PREX1: variants seen among roughly 807,000 people sequenced by gnomAD.
PREX1 encodes phosphatidylinositol-3,4,5-trisphosphate dependent Rac exchange factor 1.
Under a neutral mutation model 198.3 loss-of-function variants are expected in PREX1, and 41 were observed. The observed-to-expected ratio is 0.21, with a 90% CI of 0.16 to 0.27. The LOEUF (loss-of-function observed/expected upper bound fraction) is 0.27. Among genes scored for constraint, PREX1 ranks in the 10% least tolerant of loss-of-function variants. The pLI is 1.00. For missense variants in PREX1, 1,620 were observed against 2,200.7 expected, an observed-to-expected ratio of 0.74 and a Z score of 5.28; for synonymous variants, 843 against 887.2, an observed-to-expected ratio of 0.95 and a Z score of 0.89.
chr20:48,827,921 A>AGGCGCCCC lies in PREX1; in HGVS notation c.-69_-62dup, dbSNP rs2090517538. On this transcript the variant is annotated 5_prime_UTR_variant, in exon 1 of 40. The change abolishes the stop of an existing upstream ORF in the 5' untranslated region. Coordinates refer to ENST00000371941, the MANE Select transcript of PREX1 (RefSeq NM_020820.4). The surrounding 1 kb of genome is among the most constrained non-coding windows in gnomAD (Gnocchi z 4.1). ...GCGCCGAGCGGCAACTCAGGCGTCC[A>AGGCGCCCC]GGCGCCCCATCCCGGACGGGGCGCG... The AGGCGCCCC allele has an allele frequency of 1.4e-6, 1 of 723,930 alleles. No homozygotes were observed. Among genetic ancestry groups the AGGCGCCCC allele is most frequent in the South Asian group, 6.1e-5 (1 of 16,400 alleles). 44.8% of individuals were successfully genotyped at this position (723,930 alleles called of 1,614,324 possible). A position where few individuals can be genotyped will look rare whatever the true frequency, so the allele number is the denominator to read the frequency against.
Position 48,639,871 on chromosome 20 carries a change from T to C in PREX1, c.3799A>G (p.Thr1267Ala). The C allele has an allele frequency of 6.2e-7, 1 of 1,614,058 alleles. No individual in the cohort carries two copies. Among genetic ancestry groups the C allele is most frequent in the Non-Finnish European group, 8.5e-7 (1 of 1,179,964 alleles). Residue 1267 changes from threonine to alanine, a missense_variant, in exon 30 of 40, where the codon ACA becomes GCA. This residue lies in a region of PREX1 where 476 missense variants were observed against 603.4 expected (regional missense o/e 0.79). Coordinates refer to ENST00000371941, the MANE Select transcript of PREX1 (RefSeq NM_020820.4). ...LQEFKQKEEC[T>A]IRGRSLIQIS... The stretch of plus-strand genomic sequence containing the variant: ...TGGATCAGGCTCCGGCCACGGATTG[T>C]ACACTCTTCTTTCTGTTTAAACTCT...
intron 3 of PREX1, among the ~76,000 whole-genome samples, chr20:48,736,096 G>A (rs1414340376): frequency 2.6e-5 from 4 of 152,172 alleles, no homozygotes; most frequent in Non-Finnish European, 4.4e-5. Context: ...GGATGCTGGA[G>A]GATGAAATAA....
At chr20:48,832,797 A>C (rs1420307659), upstream of PREX1, among the ~76,000 whole-genome samples, 1 of 152,238 alleles carries the variant, frequency 6.6e-6, no homozygotes, top group African/African-American at 2.4e-5. Flanking sequence ...TCAAGGTCTG[A>C]TTTAAGCATA....
At chr20:48,861,944 T>G in the PREX1 span, among the ~76,000 whole-genome samples, 3 of 152,226 alleles carry the variant, frequency 2.0e-5, no homozygotes, top group East Asian at 5.8e-4. Flanking sequence ...GCGCGGTGGC[T>G]CACACCTGTA....
At position 48,658,148 on chromosome 20, in the gene PREX1, G is replaced by A; in HGVS notation, c.1962C>T (p.Gly654=). The change falls in exon 17 of 40, where the codon GGC becomes GGT. Residue 654 remains glycine (G), a synonymous_variant. Coordinates refer to ENST00000371941, the MANE Select transcript of PREX1 (RefSeq NM_020820.4). The part of the protein sequence containing the change: ...KAVVVKSVQR[G]SLAEVAGLQV... Reference sequence around the variant, plus strand: ...CCGAGGGCCTCACCTCAGCCAGCGAGCCCCTCTGGACGGACTTCACCACCA... The same window carrying A: ...CCGAGGGCCTCACCTCAGCCAGCGAACCCCTCTGGACGGACTTCACCACCA... 1.2e-6 allele frequency: 2 copies of A among 1,613,482 alleles called. No homozygotes were observed. The highest frequency in any genetic ancestry group is 1.7e-6 in the Non-Finnish European group (2 of 1,179,614).
the PREX1 span, among the ~76,000 whole-genome samples, chr20:48,842,012 AT>A: frequency 2.6e-5 from 4 of 151,126 alleles, no homozygotes; most frequent in African/African-American, 7.3e-5. Context: ...CTCCTGGATA[AT>A]TTTTTTTTAA....
intron 1 of PREX1, among the ~76,000 whole-genome samples, chr20:48,771,498 G>A (rs139053759): frequency 1.3e-4 from 20 of 152,184 alleles, no homozygotes; most frequent in African/African-American, 4.6e-4. Context: ...CTAGCCGGGC[G>A]TGGTGGCTCA....
intron 1 of PREX1, among the ~76,000 whole-genome samples, chr20:48,802,751 T>C (rs890340179): frequency 3.9e-5 from 6 of 152,238 alleles, no homozygotes; most frequent in African/African-American, 1.4e-4. Context: ...CAGTATCTGC[T>C]GACAGCATGA....
Position 48,688,664 on chromosome 20 carries a change from G to T in PREX1, c.1327C>A (p.Leu443Ile). 1 of 1,614,148 alleles carries T rather than the reference G, an allele frequency of 6.2e-7. No individual in the cohort carries two copies. Among genetic ancestry groups the T allele is most frequent in the Middle Eastern group, 1.6e-4 (1 of 6,062 alleles). ...CAGAGTGAGGCTACTCACTTGCCAA[G>T]AAAGCACTTGGGGACAGTGCTCAGC... The part of the protein sequence containing the change: ...RKLSTVPKCF[L>I]GNEFVAWLLE... Residue 443 changes from leucine to isoleucine, a missense_variant, in exon 10 of 40, where the codon CTT becomes ATT. Transcript: ENST00000371941.
intron 7 of PREX1, among the ~76,000 whole-genome samples, chr20:48,694,339 C>A (rs527970963): frequency 2.0e-5 from 3 of 152,194 alleles, no homozygotes; most frequent in African/African-American, 7.2e-5. Flanking sequence ...TCAGGAGCCA[C>A]GGGAAGTCAC....
At chr20:48,649,895 C>A (rs1788085095) in intron 24 of PREX1, 101 bp downstream of exon 24, 2 of 1,358,708 alleles carry the variant, frequency 1.5e-6, no homozygotes, top group African/African-American at 2.9e-5. Context: ...GACCATGGAG[C>A]CGCCATTCCA....
Position 48,651,433 on chromosome 20 carries a change from ATCT to A in PREX1, c.2615_2617del (p.Lys872del), listed in dbSNP as rs2122898825. On this transcript the variant is annotated inframe_deletion, in exon 22 of 40. Coordinates refer to ENST00000371941, the MANE Select transcript of PREX1 (RefSeq NM_020820.4). ...GCCGAAGCAGCCGCGGGGCTCCACGATCTTCTCCAGCACATGGCACCTGACGCC... is the reference window on the plus strand; with the variant it reads ...GCCGAAGCAGCCGCGGGGCTCCACGATCTCCAGCACATGGCACCTGACGCC... 6.2e-7 allele frequency: 1 copy of A among 1,612,638 alleles called. No homozygotes were observed. Among genetic ancestry groups the A allele is most frequent in the Non-Finnish European group, 8.5e-7 (1 of 1,178,946 alleles).
intron 1 of PREX1, among the ~76,000 whole-genome samples, chr20:48,794,251 T>C (rs2090350611): frequency 6.6e-6 from 1 of 151,866 alleles, no homozygotes; most frequent in Non-Finnish European, 1.5e-5. Context: ...AGCCTGTGAA[T>C]GAAGTATCAG....
chr20:48,727,858 C>G (rs1239577868), intron 4 of PREX1, among the ~76,000 whole-genome samples: 1 of 152,204 alleles, frequency 6.6e-6, no homozygotes, highest in Non-Finnish European at 1.5e-5. Context: ...AATCACATTA[C>G]AGGCACTACC....
chr20:48,703,817 G>T (rs1371631714), intron 6 of PREX1, among the ~76,000 whole-genome samples: 1 of 152,126 alleles, frequency 6.6e-6, no homozygotes, highest in African/African-American at 2.4e-5. Context: ...ACTACAGGGG[G>T]ATACCCCCTC....
At chr20:48,681,127 G>A in intron 11 of PREX1, 108 bp downstream of exon 11, 2 of 956,160 alleles carry the variant, frequency 2.1e-6, no homozygotes, top group Non-Finnish European at 3.2e-6. Context: ...AGAAAACACG[G>A]CGGCTGCACG....
At chr20:48,786,559 C>T (rs1422749124) in intron 1 of PREX1, among the ~76,000 whole-genome samples, 1 of 152,060 alleles carries the variant, frequency 6.6e-6, no homozygotes, top group East Asian at 1.9e-4. Context: ...GCCTGGCCAA[C>T]ATGGCAAAAC....
chr20:48,825,333 G>A (rs1303641888), intron 1 of PREX1, among the ~76,000 whole-genome samples: 2 of 152,192 alleles, frequency 1.3e-5, no homozygotes, highest in Non-Finnish European at 2.9e-5. Flanking sequence ...TGTTTCACAG[G>A]TGGGGAAACT....
Position 48,632,606 on chromosome 20 carries a change from C to T in PREX1, c.4301G>A (p.Arg1434Gln). 2 of 1,613,910 alleles carry T rather than the reference C, an allele frequency of 1.2e-6. No homozygotes were observed. Among genetic ancestry groups the T allele is most frequent in the Non-Finnish European group, 1.7e-6 (2 of 1,179,898 alleles). ...GTAGAAGATGACCTTCAGCGCCTGC[C>T]GGCTGCCCTCAATGTGGTAGAAGAC... Reference protein sequence around the residue: ...TNVFYHIEGSRQALKVIFYLD... With the variant: ...TNVFYHIEGSQQALKVIFYLD... Residue 1434 changes from arginine to glutamine, a missense_variant, in exon 34 of 40, where the codon CGG (arginine) becomes CAG (glutamine). By Grantham distance (43) the Arg-to-Gln change is conservative. Coordinates refer to ENST00000371941, the MANE Select transcript of PREX1 (RefSeq NM_020820.4).
Sources: allele counts gnomAD v4.1 joint callset (sites outside exome capture counted in the v4.1 genomes callset), GRCh38; gene constraint gnomAD v4.1.1; regional missense constraint gnomAD v4.1.1; non-coding constraint Gnocchi (gnomAD v3.1); transcripts MANE v1.5; gene names NCBI Gene and HGNC (gene_info 2026-07-23, HGNC 2026-07-21).